Variants in PPP2R1B observed in about 807,000 individuals in gnomAD.
PPP2R1B encodes the protein serine/threonine-protein phosphatase 2A 65 kDa regulatory subunit A beta isoform.
PPP2R1B carries 58 observed loss-of-function variants against 72.7 expected under a neutral mutation model. The observed-to-expected ratio is 0.80, with a 90% confidence interval of 0.65 to 0.99. The LOEUF (loss-of-function observed/expected upper bound fraction) is 0.99. Ranked by LOEUF, PPP2R1B falls within the 50% of genes least tolerant of loss-of-function variation. PPP2R1B has a pLI of 0.00. For missense variants in PPP2R1B, 695 were observed against 733.6 expected (o/e 0.95, Z 0.61); for synonymous variants, 256 against 264.6 (o/e 0.97, Z 0.32).
At chr11:111,720,827 G>C in the PPP2R1B span, 4 of 1,577,736 alleles carry the variant, frequency 2.5e-6, no homozygotes, top group South Asian at 4.8e-5. Context: ...TGCCATGTTG[G>C]TGTGGTCACC....
At position 111,739,885 on chromosome 11, in the gene PPP2R1B, G is replaced by T; in HGVS notation, c.*1711C>A. 1 of 980,858 alleles carries T rather than the reference G, an allele frequency of 1.0e-6. No individual in the cohort carries two copies. The highest frequency in any genetic ancestry group is 4.7e-5 in the South Asian group (1 of 21,162). 60.8% of individuals were successfully genotyped at this position (980,858 alleles called of 1,614,324 possible). The stretch of plus-strand genomic sequence containing the variant: ...ATTCTTGGCCCAAAGTCATAAAATA[G>T]AAACTTACTATAAGGTAATTTGGCA... On this transcript the variant is annotated 3_prime_UTR_variant, in exon 15 of 15. Transcript: ENST00000527614.
chr11:111,719,753 T>C, the PPP2R1B span: 2 of 1,603,128 alleles, frequency 1.2e-6, no homozygotes, highest in Admixed American at 1.7e-5. Context: ...AAACTGAGTT[T>C]CCTCTCTCCC....
At chr11:111,760,077 G>C in intron 4 of PPP2R1B, 126 bp from the exon 5 acceptor site, 1 of 1,050,282 alleles carries the variant, frequency 9.5e-7, no homozygotes, top group South Asian at 2.0e-5. Flanking sequence ...TCTACTTATA[G>C]AAGTAACAAA....
chr11:111,765,900 G>C, intron 1 of PPP2R1B: 1 of 504,470 alleles, frequency 2.0e-6, no homozygotes, highest in Non-Finnish European at 3.9e-6. Flanking sequence ...CCCCGTCTCG[G>C]CCTGGCACCG....
At chr11:111,744,374 G>A (rs1223339580) in intron 11 of PPP2R1B, among the ~76,000 whole-genome samples, 1 of 152,184 alleles carries the variant, frequency 6.6e-6, no homozygotes, top group Non-Finnish European at 1.5e-5. Context: ...TCCTCTCCAT[G>A]AAAATGCTTA....
At chr11:111,720,162 G>A in the PPP2R1B span, among the ~76,000 whole-genome samples, 2 of 152,222 alleles carry the variant, frequency 1.3e-5, no homozygotes, top group African/African-American at 4.8e-5. Flanking sequence ...CAGCCTGGCA[G>A]CAGCTATCAA....
chr11:111,688,791 G>A, the PPP2R1B span, among the ~76,000 whole-genome samples: 1 of 152,126 alleles, frequency 6.6e-6, no homozygotes, highest in Non-Finnish European at 1.5e-5. This position sits in a 1 kb window ranked among gnomAD's most constrained non-coding sequence, Gnocchi z 4.2. Context: ...ATCAGGTACT[G>A]TGCTATGTTA....
rs1390805954 is a variant in PPP2R1B, at chr11:111,738,713, T to G, written c.*2883A>C. 1.0e-6 allele frequency: 1 copy of G among 985,252 alleles called. No individual in the cohort carries two copies. The highest frequency in any genetic ancestry group is 1.1e-4 in the East Asian group (1 of 8,816). The allele number at this position is 985,252 out of a possible 1,614,324, so 61.0% of individuals were successfully genotyped here. ...CCACATATTCACCTGCCTTCCTTCT[T>G]ATGAAACAAGATGCATCCTCAGGTT... On this transcript the variant is annotated 3_prime_UTR_variant, in exon 15 of 15. Coordinates refer to ENST00000527614, the MANE Select transcript of PPP2R1B (RefSeq NM_002716.5).
intron 10 of PPP2R1B, among the ~76,000 whole-genome samples, chr11:111,751,341 T>A (rs1395148414): frequency 1.3e-5 from 2 of 152,172 alleles, no homozygotes; most frequent in Non-Finnish European, 2.9e-5. Context: ...GCATTAAATA[T>A]TATAAAATTT....
the PPP2R1B span, chr11:111,712,463 A>G: frequency 7.1e-7 from 1 of 1,400,538 alleles, no homozygotes; most frequent in South Asian, 1.4e-5. Flanking sequence ...GCTTTATTGA[A>G]CTTTATCATT....
chr11:111,688,414 G>T, the PPP2R1B span, among the ~76,000 whole-genome samples: 1 of 152,176 alleles, frequency 6.6e-6, no homozygotes, highest in Non-Finnish European at 1.5e-5. This position sits in a 1 kb window ranked among gnomAD's most constrained non-coding sequence, Gnocchi z 4.2. Flanking sequence ...AGGGTTTCGG[G>T]GTGCTCTGCT....
At chr11:111,689,180 CA>C in the PPP2R1B span, among the ~76,000 whole-genome samples, 2 of 152,014 alleles carry the variant, frequency 1.3e-5, no homozygotes, top group Non-Finnish European at 2.9e-5. Context: ...AGGATTGATA[CA>C]GGGGGAGCAG....
chr11:111,720,659 C>T, the PPP2R1B span: 1 of 1,614,106 alleles, frequency 6.2e-7, no homozygotes, highest in Non-Finnish European at 8.5e-7. Context: ...GACCTACCAA[C>T]CCAGCCATGC....
At chr11:111,721,999 C>G, downstream of PPP2R1B, 1 of 1,358,496 alleles carries the variant, frequency 7.4e-7, no homozygotes, top group Non-Finnish European at 1.0e-6. Flanking sequence ...TGTTCTTCTG[C>G]AAAGCAGAAA....
At chr11:111,758,488 GCT>G (rs1565471897) in intron 5 of PPP2R1B, among the ~76,000 whole-genome samples, 1 of 152,148 alleles carries the variant, frequency 6.6e-6, no homozygotes, top group Admixed American at 6.5e-5. Context: ...TTCTTGGGAG[GCT>G]GAGGCAGGAG....
chr11:111,711,121 AT>A, the PPP2R1B span, among the ~76,000 whole-genome samples: 1,508 of 143,688 alleles, frequency 0.01, 7 homozygotes, highest in Middle Eastern at 0.022. Context: ...CTTTTAAATG[AT>A]TTTTTTTTTT....
At position 111,765,309 on chromosome 11, in the gene PPP2R1B, A is replaced by G; in HGVS notation, c.190T>C (p.Leu64=). Residue 64 remains leucine, a synonymous_variant, in exon 2 of 15, where the codon TTG becomes CTG. Transcript: ENST00000527614. The part of the protein sequence containing the change: ...LGVERTRSEL[L]PFLTDTIYDE... ...ATTCACATACCTGTAAGAAATGGCA[A>G]CAATTCACTTCGGGTCCTTTCTACT... The G allele has an allele frequency of 6.2e-7, 1 of 1,612,026 alleles. No individual in the cohort carries two copies. The highest frequency in any genetic ancestry group is 8.5e-7 in the Non-Finnish European group (1 of 1,178,132).
At chr11:111,749,194 C>G (rs1229770662) in intron 10 of PPP2R1B, among the ~76,000 whole-genome samples, 1 of 152,134 alleles carries the variant, frequency 6.6e-6, no homozygotes, top group Non-Finnish European at 1.5e-5. Context: ...TTGGCATACA[C>G]TTAGATTACG....
chr11:111,706,534 AG>A, the PPP2R1B span, among the ~76,000 whole-genome samples: 6 of 152,244 alleles, frequency 3.9e-5, no homozygotes, highest in Non-Finnish European at 5.9e-5. Flanking sequence ...TTTCTTTGGC[AG>A]TTTTACAAAA....
Sources: allele counts gnomAD v4.1 joint callset (sites outside exome capture counted in the v4.1 genomes callset), GRCh38; gene constraint gnomAD v4.1.1; non-coding constraint Gnocchi (gnomAD v3.1); transcripts MANE v1.5; gene names NCBI Gene and HGNC (gene_info 2026-07-23, HGNC 2026-07-21).